ADGRL3: variants seen among roughly 807,000 people sequenced by gnomAD.
ADGRL3 encodes the protein adhesion G protein-coupled receptor L3, also known as calcium-independent alpha-latrotoxin receptor 3.
In ADGRL3, 62 loss-of-function variants were observed where a neutral mutation model predicts 153.5. The observed-to-expected ratio is 0.40, with a 90% CI of 0.33 to 0.50. The LOEUF (loss-of-function observed/expected upper bound fraction) is 0.50, where lower values mean the gene tolerates loss of function less well. ADGRL3 is among the 20% of genes least tolerant of loss of function. The pLI is 0.47. For synonymous variants in ADGRL3, 710 were observed against 672.5 expected, an observed-to-expected ratio of 1.06 and a Z score of -0.86; for missense variants, 1,641 against 1,859.4, an observed-to-expected ratio of 0.88 and a Z score of 2.16.
intron 4 of ADGRL3, among the ~76,000 whole-genome samples, chr4:61,532,547 C>CGTGTGTGTGTGTGTGTGT (rs1476156297): frequency 1.6e-4 from 10 of 62,182 alleles, no homozygotes; most frequent in African/African-American, 4.7e-4. Flanking sequence ...CGCGCGCGCG[C>CGTGTGTGTGTGTGTGTGT]GCGCGCGCGT....
In ADGRL3 at chr4:61,499,069, T is replaced by G. The variant is rs553545777; in HGVS notation, c.55+1721T>G. Among the ~76,000 whole-genome samples the G allele has an allele frequency of 2.6e-5, 4 of 152,326 alleles. No homozygotes were observed. The South Asian group carries it at 8.3e-4, about 32-fold the overall frequency. On this transcript the variant is annotated intron_variant, in intron 3 of 26. Transcript: ENST00000683033. ...TAGCCTCTTTAGCTCACTTTTGGTT[T>G]TTAATTGATTACAGAAACCCATTGT...
At position 61,658,148 on chromosome 4, in the gene ADGRL3, C is replaced by G. The variant is rs1207707267; in HGVS notation, c.474-18678C>G. ...TTCCAAAGCTGGAGCCCACCTTATT[C>G]CCTCCCTCCTTTTAACTCCTGACAT... On this transcript the variant is annotated intron_variant, in intron 5 of 26. Coordinates refer to ENST00000683033, the MANE Select transcript of ADGRL3 (RefSeq NM_001387552.1). 4.6e-5 allele frequency among the ~76,000 whole-genome samples: 7 copies of G among 152,224 alleles called. No homozygotes were observed. The East Asian group carries it at 1.2e-3, about 25-fold the overall frequency.
chr4:62,016,256 C>T (rs564014385), intron 21 of ADGRL3, among the ~76,000 whole-genome samples: 1 of 152,192 alleles, frequency 6.6e-6, no homozygotes, highest in Admixed American at 6.5e-5. Context: ...ACCATGTTGA[C>T]CAGGATGGTC....
intron 1 of ADGRL3, among the ~76,000 whole-genome samples, chr4:61,305,554 T>C (rs2094747754): frequency 6.6e-6 from 1 of 152,180 alleles, no homozygotes; most frequent in African/African-American, 2.4e-5. Flanking sequence ...TCAGTGATTG[T>C]AGCCTTGAGG....
chr4:61,641,514 C>T (rs1204802004), intron 5 of ADGRL3, among the ~76,000 whole-genome samples: 3 of 147,324 alleles, frequency 2.0e-5, no homozygotes, highest in Admixed American at 1.4e-4. Flanking sequence ...TCAATTCCCA[C>T]CTATGAGTGA....
intron 4 of ADGRL3, among the ~76,000 whole-genome samples, chr4:61,529,551 T>C (rs1189285159): frequency 6.6e-6 from 1 of 152,156 alleles, no homozygotes; most frequent in African/African-American, 2.4e-5. Flanking sequence ...TACAAAACTA[T>C]GTAAATTGAA....
rs369044487 is a variant in ADGRL3, at chr4:62,044,439, T to C, written c.3718-14T>C. 279 of 1,563,732 alleles carry C rather than the reference T, an allele frequency of 1.8e-4. No homozygotes were observed. Among genetic ancestry groups the C allele is most frequent in the Non-Finnish European group, 2.4e-4 (275 of 1,149,474 alleles). Reference sequence around the variant, plus strand: ...TCATGAGTTCATTTTCTTTCTGCCTTTTCCCCCACCCAGAGCCGAATCCGT... The same window carrying C: ...TCATGAGTTCATTTTCTTTCTGCCTCTTCCCCCACCCAGAGCCGAATCCGT... On this transcript the variant is annotated splice_polypyrimidine_tract_variant and intron_variant, in intron 24 of 26. Coordinates refer to ENST00000683033, the MANE Select transcript of ADGRL3 (RefSeq NM_001387552.1).
intron 6 of ADGRL3, among the ~76,000 whole-genome samples, chr4:61,685,362 TAATG>T (rs2095423554): frequency 6.6e-6 from 1 of 151,910 alleles, no homozygotes; most frequent in African/African-American, 2.4e-5. Context: ...GTAAGGCAAA[TAATG>T]AACACATGAA....
At chr4:61,979,447 G>T in intron 17 of ADGRL3, 116 bp from the exon 18 acceptor site, 2 of 810,706 alleles carry the variant, frequency 2.5e-6, no homozygotes, top group Middle Eastern at 3.7e-4. Flanking sequence ...TTCATTGTGG[G>T]TATAGAGGGT....
intron 14 of ADGRL3, 121 bp from the exon 15 acceptor site, chr4:61,935,802 G>A (rs2098835931): frequency 4.4e-6 from 4 of 904,114 alleles, no homozygotes; most frequent in East Asian, 2.9e-5. Context: ...TTTTCATAAA[G>A]CATGACAAAT....
intron 17 of ADGRL3, among the ~76,000 whole-genome samples, chr4:61,977,573 C>T (rs1235786188): frequency 1.3e-5 from 2 of 152,130 alleles, no homozygotes; most frequent in African/African-American, 4.8e-5. Context: ...AGGAATATTT[C>T]AAAACTGCTT....
rs566887018 is a variant in ADGRL3 at position 61,257,757 on chromosome 4, G to A, written c.-240+55992G>A. ...GTTAATATGGTATCAGTGATCATCT[G>A]TAGTCAGTTTATACAAACTTATTAA... On this transcript the variant is annotated intron_variant, in intron 1 of 26. Transcript: ENST00000683033. Among the ~76,000 whole-genome samples the A allele has an allele frequency of 2.0e-5, 3 of 152,294 alleles. No homozygotes were observed. In the East Asian group the frequency reaches 5.8e-4, roughly 29 times the overall value.
In ADGRL3 at chr4:61,201,348, C is replaced by G. The variant is rs1417965483; in HGVS notation, c.-657C>G. The G allele has an allele frequency of 6.5e-6, 1 of 152,742 alleles. No individual in the cohort carries two copies. Among genetic ancestry groups the G allele is most frequent in the Non-Finnish European group, 1.5e-5 (1 of 68,170 alleles). 9.5% of individuals were successfully genotyped at this position (152,742 alleles called of 1,614,324 possible). A position where few individuals can be genotyped will look rare whatever the true frequency, so the allele number is the denominator to read the frequency against. Reference sequence around the variant, plus strand: ...CATGTTAATAGCTGCCGCTGGGTCCCTCGGCTGCTGCTGGAGACAGAGCCT... The same window carrying G: ...CATGTTAATAGCTGCCGCTGGGTCCGTCGGCTGCTGCTGGAGACAGAGCCT... On this transcript the variant is annotated 5_prime_UTR_variant, in exon 1 of 27. Transcript: ENST00000683033.
chr4:61,674,179 T>C (rs2095107839), intron 5 of ADGRL3, among the ~76,000 whole-genome samples: 1 of 151,226 alleles, frequency 6.6e-6, no homozygotes, highest in Non-Finnish European at 1.5e-5. Flanking sequence ...GATAGATAGA[T>C]AGATAGATAG....
intron 8 of ADGRL3, among the ~76,000 whole-genome samples, chr4:61,800,098 T>C (rs537916802): frequency 3.3e-5 from 5 of 152,016 alleles, no homozygotes; most frequent in African/African-American, 1.2e-4. Flanking sequence ...GTGACTTTGA[T>C]TAAAGTTAAT....
chr4:61,332,959 A>C (rs1294933235), intron 1 of ADGRL3, among the ~76,000 whole-genome samples: 1 of 152,182 alleles, frequency 6.6e-6, no homozygotes, highest in Non-Finnish European at 1.5e-5. Context: ...CCCTTGTGAT[A>C]AATAGTATAC....
chr4:61,433,061 A>G (rs1001023107), intron 2 of ADGRL3, among the ~76,000 whole-genome samples: 1 of 152,206 alleles, frequency 6.6e-6, no homozygotes, highest in East Asian at 1.9e-4. Context: ...GCCCCTGGGC[A>G]TCACTATGCA....
At chr4:61,794,467 T>TG (rs1459784899) in intron 8 of ADGRL3, among the ~76,000 whole-genome samples, 11 of 152,244 alleles carry the variant, frequency 7.2e-5, no homozygotes, top group Non-Finnish European at 1.6e-4. Flanking sequence ...TGGTTGGTTT[T>TG]TAAACAAGTT....
In ADGRL3 at chr4:61,432,742, C is replaced by T. The variant is rs556433138; in HGVS notation, c.-174+49553C>T. Among the ~76,000 whole-genome samples, 14 of 150,284 alleles carry T rather than the reference C, an allele frequency of 9.3e-5. 1 individual carries two copies. The highest frequency in any genetic ancestry group is 3.4e-4 in the African/African-American group (14 of 40,908). On this transcript the variant is annotated intron_variant, in intron 2 of 26. Transcript: ENST00000683033. Reference sequence around the variant, plus strand: ...GATCTCGGCGCACCGCAACCTCTGCCTCTTGGGTTCAAGTGATTCCCCTGC... The same window carrying T: ...GATCTCGGCGCACCGCAACCTCTGCTTCTTGGGTTCAAGTGATTCCCCTGC...
Sources: allele counts gnomAD v4.1 joint callset (sites outside exome capture counted in the v4.1 genomes callset), GRCh38; gene constraint gnomAD v4.1.1; transcripts MANE v1.5; gene names NCBI Gene and HGNC (gene_info 2026-07-23, HGNC 2026-07-21).